Variants in CCNY observed in about 807,000 individuals in gnomAD.
The protein encoded by CCNY is cyclin-Y.
Under a neutral mutation model 42.8 loss-of-function variants are expected in CCNY, and 19 were observed. The ratio of observed to expected loss-of-function variants is 0.44; its 90% CI spans 0.31 to 0.65. The LOEUF is 0.65. CCNY is among the 30% of genes least tolerant of loss of function. CCNY has a pLI of 0.07. For synonymous variants in CCNY, 165 were observed against 162.7 expected (o/e 1.01, Z -0.11); for missense variants, 370 against 437.3 (o/e 0.85, Z 1.37).
chr10:35,446,706 C>T (rs1212676849), intron 1 of CCNY, among the ~76,000 whole-genome samples: 3 of 152,148 alleles, frequency 2.0e-5, no homozygotes, highest in Admixed American at 6.5e-5. Context: ...CTCACTGGAT[C>T]CTGGATGGAG....
rs2095708767 is a variant in CCNY, at chr10:35,247,463, TAGTCCCAGC to T, written c.-217+334_-217+342del. 2.0e-5 allele frequency among the ~76,000 whole-genome samples: 3 copies of T among 151,932 alleles called. No homozygotes were observed. The East Asian group carries it at 5.8e-4, about 29-fold the overall frequency. On this transcript the variant is annotated intron_variant, in intron 1 of 11. Coordinates refer to the CCNY transcript ENST00000374706. ...AGCCAGGCACGGTGGTGCACACCTGTAGTCCCAGCTACTTGGGGAGGCTGAGGTGGGAGG... is the reference window on the plus strand; with the variant it reads ...AGCCAGGCACGGTGGTGCACACCTGTTACTTGGGGAGGCTGAGGTGGGAGG...
At chr10:35,423,936 A>G (rs1838213027) in intron 1 of CCNY, among the ~76,000 whole-genome samples, 1 of 152,138 alleles carries the variant, frequency 6.6e-6, no homozygotes, top group Admixed American at 6.5e-5. Context: ...TCACCTCAAC[A>G]TGGAAATGAG....
chr10:35,392,374 C>T (rs773464729), intron 1 of CCNY, among the ~76,000 whole-genome samples: 4 of 152,154 alleles, frequency 2.6e-5, no homozygotes, highest in Non-Finnish European at 5.9e-5. Context: ...TGACCCAGGC[C>T]AGGCTTCCTG....
intron 2 of CCNY, among the ~76,000 whole-genome samples, chr10:35,499,885 G>C (rs1318764966): frequency 1.3e-5 from 2 of 152,200 alleles, no homozygotes; most frequent in Admixed American, 6.5e-5. Context: ...TTGGCTACAT[G>C]TATAATAGTT....
chr10:35,564,944 G>T (rs1193690032), intron 8 of CCNY, among the ~76,000 whole-genome samples: 1 of 152,190 alleles, frequency 6.6e-6, no homozygotes, highest in Non-Finnish European at 1.5e-5. Context: ...CATAGTGTGG[G>T]CAAGGACAGG....
chr10:35,265,214 G>A lies in CCNY; in HGVS notation c.-9+14588G>A, dbSNP rs72793874. On this transcript the variant is annotated intron_variant, in intron 3 of 11. Coordinates refer to the CCNY transcript ENST00000374706. ...ACAATGAAAATCTTCACAATCAAAC[G>A]ACTAGGAATAGGCTGAGGGTATTAG... Among the ~76,000 whole-genome samples the A allele has an allele frequency of 9.1e-3, 1,386 of 152,244 alleles. 12 individuals are homozygous for A. The highest frequency in any genetic ancestry group is 0.011 in the Non-Finnish European group (781 of 68,022).
chr10:35,299,199 T>C lies in CCNY; in HGVS notation c.-9+48573T>C, dbSNP rs1287100643. On this transcript the variant is annotated intron_variant, in intron 3 of 11. Coordinates refer to the CCNY transcript ENST00000374706. ...GAGACTAGTTTCATGGCCCAGCATA[T>C]GATGAACGTTCCATCTGCACTGAAA... Among the ~76,000 whole-genome samples the C allele has an allele frequency of 2.0e-5, 3 of 152,212 alleles. No homozygotes were observed. In the South Asian group the frequency reaches 6.2e-4, roughly 32 times the overall value.
chr10:35,393,013 C>G (rs992802904), intron 1 of CCNY, among the ~76,000 whole-genome samples: 7 of 152,182 alleles, frequency 4.6e-5, no homozygotes, highest in Non-Finnish European at 1.0e-4. Flanking sequence ...TCCCCCTCCC[C>G]TTGCTGTCTC....
intron 1 of CCNY, among the ~76,000 whole-genome samples, chr10:35,439,475 TTTTA>T (rs1464821719): frequency 1.3e-5 from 2 of 152,154 alleles, no homozygotes; most frequent in South Asian, 4.1e-4. Context: ...TGTTTATAGT[TTTTA>T]TTTGTTTGCT....
chr10:35,527,049 G>A (rs1207269840), intron 5 of CCNY, among the ~76,000 whole-genome samples: 1 of 151,254 alleles, frequency 6.6e-6, no homozygotes, highest in Non-Finnish European at 1.5e-5. Flanking sequence ...AGCTTCTAAT[G>A]AACAGTATTG....
At chr10:35,264,536 T>C (rs772036529) in intron 3 of CCNY, among the ~76,000 whole-genome samples, 9 of 152,240 alleles carry the variant, frequency 5.9e-5, no homozygotes, top group Non-Finnish European at 1.2e-4. Context: ...TATCTCATTG[T>C]AGTTTTGATT....
intron 3 of CCNY, among the ~76,000 whole-genome samples, chr10:35,324,860 T>C (rs1835861513): frequency 1.3e-5 from 2 of 152,208 alleles, no homozygotes; most frequent in East Asian, 1.9e-4. Flanking sequence ...TCATAAAGGA[T>C]ATTTTGTGAT....
At chr10:35,299,836 C>A (rs1002511800) in intron 3 of CCNY, among the ~76,000 whole-genome samples, 8 of 151,858 alleles carry the variant, frequency 5.3e-5, no homozygotes, top group African/African-American at 1.9e-4. Flanking sequence ...TTTTTTTCTT[C>A]TTTTCCTGCC....
At chr10:35,269,426 C>T (rs1028635295) in intron 3 of CCNY, among the ~76,000 whole-genome samples, 6 of 150,882 alleles carry the variant, frequency 4.0e-5, no homozygotes, top group South Asian at 2.1e-4. Context: ...AAGCGATTCT[C>T]CTGCCTCACC....
chr10:35,451,642 C>T (rs1294539800), intron 1 of CCNY, among the ~76,000 whole-genome samples: 3 of 152,294 alleles, frequency 2.0e-5, no homozygotes, highest in Middle Eastern at 3.4e-3. Context: ...TACAGTGTTA[C>T]CAGGCGGGTT....
At chr10:35,426,531 C>T (rs967572237) in intron 1 of CCNY, among the ~76,000 whole-genome samples, 4 of 152,160 alleles carry the variant, frequency 2.6e-5, no homozygotes, top group Non-Finnish European at 4.4e-5. Flanking sequence ...TTTGGGTGGC[C>T]ATCAAGAAGA....
chr10:35,349,102 G>A (rs1002987831), intron 1 of CCNY, among the ~76,000 whole-genome samples: 22 of 152,278 alleles, frequency 1.4e-4, no homozygotes, highest in Admixed American at 1.2e-3. Context: ...GTTCCACAGG[G>A]TGGACGGTGG....
At chr10:35,428,731 G>A (rs1838322151) in intron 1 of CCNY, among the ~76,000 whole-genome samples, 1 of 152,114 alleles carries the variant, frequency 6.6e-6, no homozygotes, top group Non-Finnish European at 1.5e-5. Context: ...TGGTGGAAGT[G>A]AAGAGAAGTG....
chr10:35,406,797 T>A lies in CCNY; in HGVS notation c.154+69590T>A, dbSNP rs540892090. On this transcript the variant is annotated intron_variant, in intron 1 of 9. Transcript: ENST00000374704. Reference sequence around the variant, plus strand: ...GGCAGAGGGGCTCCTCACTTCCCAGTAGGGGCGGCCAGGCAGAGGCGCCCC... The same window carrying A: ...GGCAGAGGGGCTCCTCACTTCCCAGAAGGGGCGGCCAGGCAGAGGCGCCCC... Among the ~76,000 whole-genome samples the A allele has an allele frequency of 2.2e-4, 33 of 152,036 alleles. No homozygotes were observed. The South Asian group carries it at 6.6e-3, about 31-fold the overall frequency.
Sources: allele counts gnomAD v4.1 joint callset (sites outside exome capture counted in the v4.1 genomes callset), GRCh38; gene constraint gnomAD v4.1.1; transcripts MANE v1.5; gene names NCBI Gene and HGNC (gene_info 2026-07-23, HGNC 2026-07-21).